The following CORO2B variants were observed in gnomAD, a reference collection of about 807,000 sequenced individuals.
The protein encoded by CORO2B is coronin 2B.
In CORO2B, 26 loss-of-function variants were observed where a neutral mutation model predicts 58.8. The observed-to-expected ratio is 0.44, with a 90% CI of 0.32 to 0.61. The LOEUF is 0.61. CORO2B is among the 20% of genes least tolerant of loss of function. The pLI is 0.04. For missense variants in CORO2B, 460 were observed against 645.1 expected (o/e 0.71, Z 3.11); for synonymous variants, 242 against 253.8 (o/e 0.95, Z 0.44).
At chr15:68,581,755 G>A (rs988559953) in intron 1 of CORO2B, among the ~76,000 whole-genome samples, 2 of 152,166 alleles carry the variant, frequency 1.3e-5, no homozygotes, top group African/African-American at 4.8e-5. Flanking sequence ...GGGTGTGAGA[G>A]GTAGGATCGC....
the CORO2B span, among the ~76,000 whole-genome samples, chr15:68,547,741 G>A: frequency 6.6e-6 from 1 of 152,022 alleles, no homozygotes; most frequent in Non-Finnish European, 1.5e-5. Context: ...TGACAAATTT[G>A]GTATTTATCT....
chr15:68,578,972 G>GCCCTCT, upstream of CORO2B: 1 of 956,426 alleles, frequency 1.0e-6, no homozygotes, highest in Non-Finnish European at 1.2e-6. The surrounding 1 kb of genome is among the most constrained non-coding windows in gnomAD (Gnocchi z 4.2). Flanking sequence ...CCCAGCCCGG[G>GCCCTCT]CCCTCTCCCT....
In CORO2B at chr15:68,718,770, AG is replaced by A; in HGVS notation, c.1043del (p.Gly348AlafsTer2). On this transcript the variant is annotated frameshift_variant, in exon 9 of 12. Coordinates refer to ENST00000261861, the MANE Select transcript of CORO2B (RefSeq NM_006091.5). LOFTEE classifies it high-confidence loss of function. ...VFRFYKLVTL[K>X]GLIEPISMIV... ...CGCTTCTACAAGCTGGTGACTCTCA[AG>A]GGCCTGATCGAGCCCATCTCCATGA... 1 of 1,614,176 alleles carries A rather than the reference AG, an allele frequency of 6.2e-7. No individual in the cohort carries two copies. The highest frequency in any genetic ancestry group is 8.5e-7 in the Non-Finnish European group (1 of 1,180,014).
chr15:68,673,402 CGGCTACTTGGGAGGCTGA>C (rs1423102535), intron 2 of CORO2B, among the ~76,000 whole-genome samples: 16 of 151,992 alleles, frequency 1.1e-4, no homozygotes, highest in Non-Finnish European at 2.9e-5. Context: ...TGCCTGAGTC[CGGCTACTTGGGAGGCTGA>C]GGTAGGAGAA....
chr15:68,548,165 C>T, the CORO2B span, among the ~76,000 whole-genome samples: 2 of 123,688 alleles, frequency 1.6e-5, no homozygotes, highest in Non-Finnish European at 3.3e-5. Flanking sequence ...AGCAGGATTC[C>T]ATCTTAAAAA....
the CORO2B span, among the ~76,000 whole-genome samples, chr15:68,551,251 T>C: frequency 7.2e-5 from 11 of 151,908 alleles, no homozygotes; most frequent in Non-Finnish European, 1.5e-4. Flanking sequence ...TCTCGGGGGC[T>C]CATTCTGTGT....
In CORO2B at chr15:68,655,038, A is replaced by T. The variant is rs548325405; in HGVS notation, c.216+9678A>T. The stretch of plus-strand genomic sequence containing the variant: ...GCCATGCCAGGCTGGGTGCCTGGAG[A>T]TGGGGGATTCTAGGGAGGGTCCAGG... On this transcript the variant is annotated intron_variant, in intron 2 of 11. Transcript: ENST00000261861. 3.1e-4 allele frequency among the ~76,000 whole-genome samples: 47 copies of T among 152,108 alleles called. 1 individual carries two copies. The highest frequency in any genetic ancestry group is 1.1e-3 in the African/African-American group (46 of 41,498).
At chr15:68,555,738 C>T in the CORO2B span, among the ~76,000 whole-genome samples, 2 of 152,246 alleles carry the variant, frequency 1.3e-5, no homozygotes, top group African/African-American at 2.4e-5. Flanking sequence ...TCACATTCCC[C>T]GTGGAGAACT....
At position 68,726,769 on chromosome 15, in the gene CORO2B, C is replaced by T. The variant is rs1456384911; in HGVS notation, c.*795C>T. The T allele has an allele frequency of 6.6e-6, 1 of 152,240 alleles. No individual in the cohort carries two copies. Among genetic ancestry groups the T allele is most frequent in the Non-Finnish European group, 1.5e-5 (1 of 68,074 alleles). The allele number at this position is 152,240 out of a possible 1,614,324, so 9.4% of individuals were successfully genotyped here. On this transcript the variant is annotated 3_prime_UTR_variant, in exon 12 of 12. Transcript: ENST00000261861. ...AGCAGGTCAACAATGGGCCCACGACCAAGACCCTGGGTGTTCAGACCCCAA... is the reference window on the plus strand; with the variant it reads ...AGCAGGTCAACAATGGGCCCACGACTAAGACCCTGGGTGTTCAGACCCCAA...
intron 1 of CORO2B, among the ~76,000 whole-genome samples, chr15:68,588,664 A>G (rs1327282416): frequency 6.6e-6 from 1 of 152,196 alleles, no homozygotes; most frequent in Non-Finnish European, 1.5e-5. Flanking sequence ...GGTTTATGGA[A>G]AGGAATAGCC....
At chr15:68,560,284 CT>C in the CORO2B span, among the ~76,000 whole-genome samples, 7 of 147,942 alleles carry the variant, frequency 4.7e-5, 1 homozygote, top group Non-Finnish European at 9.0e-5. Flanking sequence ...TTTTCTTTTT[CT>C]TTCTTTCTTT....
the CORO2B span, among the ~76,000 whole-genome samples, chr15:68,548,511 A>G: frequency 6.6e-6 from 1 of 152,198 alleles, no homozygotes; most frequent in Non-Finnish European, 1.5e-5. Context: ...TCAGTCTTGC[A>G]AGCTGTACAA....
the CORO2B span, among the ~76,000 whole-genome samples, chr15:68,573,454 C>T: frequency 1.3e-5 from 2 of 151,944 alleles, no homozygotes; most frequent in Non-Finnish European, 2.9e-5. Flanking sequence ...GGGATGGCAG[C>T]AGAGAGGTGC....
At chr15:68,521,195 C>T in the CORO2B span, among the ~76,000 whole-genome samples, 1 of 152,034 alleles carries the variant, frequency 6.6e-6, no homozygotes, top group Non-Finnish European at 1.5e-5. Context: ...GTTTTATGTT[C>T]CCTTTTCTTG....
chr15:68,706,832 C>T (rs1453321064), intron 3 of CORO2B, among the ~76,000 whole-genome samples: 3 of 152,184 alleles, frequency 2.0e-5, no homozygotes, highest in Admixed American at 2.0e-4. Flanking sequence ...CTGCCTTAGC[C>T]TTCCCAGTAC....
chr15:68,592,738 A>G (rs576767660), intron 1 of CORO2B, among the ~76,000 whole-genome samples: 3 of 152,300 alleles, frequency 2.0e-5, no homozygotes, highest in Admixed American at 1.3e-4. Context: ...ACTGTACAGT[A>G]TGTACGGAAT....
intron 2 of CORO2B, among the ~76,000 whole-genome samples, chr15:68,647,260 G>A (rs1347230728): frequency 6.6e-6 from 1 of 152,124 alleles, no homozygotes; most frequent in East Asian, 1.9e-4. Flanking sequence ...ATTTTTAAAA[G>A]ACAGTTTCTG....
At chr15:68,561,755 G>T in the CORO2B span, among the ~76,000 whole-genome samples, 90 of 152,292 alleles carry the variant, frequency 5.9e-4, no homozygotes, top group Middle Eastern at 3.4e-3. Flanking sequence ...GCAAATATGT[G>T]CAGGGCCATG....
At position 68,710,396 on chromosome 15, in the gene CORO2B, G is replaced by A. The variant is rs1319889843; in HGVS notation, c.334-336G>A. ...GATGTGGCATGTGAAGCAAGGATAG[G>A]CTTTTTAACACAACATTTGCTAAAA... is the stretch of plus-strand genomic sequence containing the variant. On this transcript the variant is annotated intron_variant, in intron 3 of 11. Transcript: ENST00000261861. This position sits in a 1 kb window ranked among gnomAD's most constrained non-coding sequence, Gnocchi z 4.1. 2.0e-5 allele frequency among the ~76,000 whole-genome samples: 3 copies of A among 152,230 alleles called. No individual in the cohort carries two copies. The highest frequency in any genetic ancestry group is 6.5e-5 in the Admixed American group (1 of 15,284).
Sources: allele counts gnomAD v4.1 joint callset (sites outside exome capture counted in the v4.1 genomes callset), GRCh38; gene constraint gnomAD v4.1.1; non-coding constraint Gnocchi (gnomAD v3.1); transcripts MANE v1.5; gene names NCBI Gene and HGNC (gene_info 2026-07-23, HGNC 2026-07-21).